Variants in CALD1 observed in about 807,000 individuals in gnomAD.
CALD1 encodes the protein caldesmon 1.
CALD1 carries 33 observed loss-of-function variants against 99.9 expected under a neutral mutation model. The ratio of observed to expected loss-of-function variants is 0.33; its 90% CI spans 0.25 to 0.44. The LOEUF (loss-of-function observed/expected upper bound fraction) is 0.44, where lower values mean the gene tolerates loss of function less well. Among genes scored for constraint, CALD1 ranks in the 20% least tolerant of loss-of-function variants. The probability of loss-of-function intolerance (pLI) is 1.00; values close to 1 mark genes in which losing one functional copy is unlikely to be tolerated. For missense variants in CALD1, 861 were observed against 962.1 expected (o/e 0.89, Z 1.39); for synonymous variants, 310 against 325.0 (o/e 0.95, Z 0.50).
chr7:134,818,834 G>A (rs1413972973), intron 1 of CALD1, among the ~76,000 whole-genome samples: 1 of 152,126 alleles, frequency 6.6e-6, no homozygotes, highest in Non-Finnish European at 1.5e-5. Flanking sequence ...TGGTGTCTAT[G>A]ACATACTGCA....
At chr7:134,882,744 TAGC>T (rs1390535466) in intron 3 of CALD1, among the ~76,000 whole-genome samples, 3 of 152,224 alleles carry the variant, frequency 2.0e-5, no homozygotes, top group African/African-American at 4.8e-5. Flanking sequence ...ATAGAATGTT[TAGC>T]ATACAATAGA....
Position 134,794,258 on chromosome 7 carries a change from G to A in CALD1, c.-130+14509G>A, listed in dbSNP as rs151155607. Among the ~76,000 whole-genome samples the A allele has an allele frequency of 7.0e-3, 1,063 of 152,240 alleles. 17 individuals carry two copies. Among genetic ancestry groups the A allele is most frequent in the African/African-American group, 0.023 (960 of 41,542 alleles). On this transcript the variant is annotated intron_variant, in intron 1 of 14. Transcript: ENST00000361675. ...AAGCAGCCATGCCTGTTACTGTTAC[G>A]GAGGCATGTTCTGTGTATGTGTCTA...
intron 1 of CALD1, among the ~76,000 whole-genome samples, chr7:134,790,770 G>A (rs1388937558): frequency 6.6e-6 from 1 of 152,188 alleles, no homozygotes; most frequent in Non-Finnish European, 1.5e-5. Context: ...TTAACAAGCA[G>A]TTTCCATCCT....
intron 1 of CALD1, among the ~76,000 whole-genome samples, chr7:134,843,632 A>G (rs2290363): frequency 0.52 from 78,400 of 152,072 alleles, 22,497 homozygotes; most frequent in African/African-American, 0.78. Flanking sequence ...ATTAGATACT[A>G]TCCCTGGGTT....
chr7:134,966,497 C>A (rs1188596162), intron 14 of CALD1, among the ~76,000 whole-genome samples: 1 of 152,180 alleles, frequency 6.6e-6, no homozygotes, highest in Non-Finnish European at 1.5e-5. Flanking sequence ...TCTTACCCTC[C>A]ATTATTTCAT....
chr7:134,929,113 C>T (rs1205852597), intron 4 of CALD1, among the ~76,000 whole-genome samples: 1 of 152,148 alleles, frequency 6.6e-6, no homozygotes. Flanking sequence ...TTCTCTCCAC[C>T]CCGTTCCCAT....
the CALD1 span, among the ~76,000 whole-genome samples, chr7:134,733,665 C>T: frequency 2.0e-5 from 3 of 151,678 alleles, no homozygotes; most frequent in Admixed American, 6.6e-5. Flanking sequence ...AAAAATTAGC[C>T]GGGCGTGGTG....
intron 3 of CALD1, 58 bp from the exon 4 acceptor site, chr7:134,928,696 G>A (rs933150083): frequency 1.2e-5 from 19 of 1,556,268 alleles, no homozygotes; most frequent in Middle Eastern, 1.7e-4. Flanking sequence ...CTGCCAAGAG[G>A]TTGGTGAAGA....
chr7:134,931,100 T>C (rs1036499398), intron 4 of CALD1, among the ~76,000 whole-genome samples: 23 of 152,206 alleles, frequency 1.5e-4, no homozygotes, highest in African/African-American at 3.9e-4. Flanking sequence ...ATTCTTTTTT[T>C]TTTTAGAAAA....
chr7:134,941,839 G>T (rs954060961), intron 7 of CALD1, among the ~76,000 whole-genome samples: 4 of 152,068 alleles, frequency 2.6e-5, no homozygotes, highest in African/African-American at 9.7e-5. Flanking sequence ...ATACAGTTTG[G>T]AAAAACTCTC....
chr7:134,947,451 C>G, intron 7 of CALD1, 57 bp from the exon 8 acceptor site: 1 of 1,512,526 alleles, frequency 6.6e-7, no homozygotes, highest in Non-Finnish European at 8.9e-7. Flanking sequence ...TCCCCTTCCT[C>G]CAGGGAGACT....
chr7:134,790,082 G>GGAGAGAGAGAGAGA (rs56962467), intron 1 of CALD1, among the ~76,000 whole-genome samples: 22 of 142,312 alleles, frequency 1.5e-4, no homozygotes, highest in African/African-American at 5.8e-4. Context: ...AAAGAAATAA[G>GGAGAGAGAGAGAGA]GAGAGAGAGA....
At chr7:134,929,625 T>TATATATACACACACATATACACACAC (rs1231576514) in intron 4 of CALD1, among the ~76,000 whole-genome samples, 3 of 4,140 alleles carry the variant, frequency 7.2e-4, no homozygotes, top group African/African-American at 1.5e-3. Context: ...TATATACGTG[T>TATATATACACACACATATACACACAC]GTGTGTGTGT....
At chr7:134,791,573 T>C (rs1009442299) in intron 1 of CALD1, among the ~76,000 whole-genome samples, 2 of 152,186 alleles carry the variant, frequency 1.3e-5, no homozygotes, top group East Asian at 1.9e-4. Context: ...AACTATTTCC[T>C]TAAAGACAGC....
At chr7:134,769,912 G>T (rs1417226925) in intron 1 of CALD1, among the ~76,000 whole-genome samples, 1 of 152,164 alleles carries the variant, frequency 6.6e-6, no homozygotes, top group African/African-American at 2.4e-5. Context: ...TACTGGGATT[G>T]CAGGTGGGAG....
At chr7:134,754,842 G>A (rs909902082) in intron 1 of CALD1, among the ~76,000 whole-genome samples, 1 of 152,048 alleles carries the variant, frequency 6.6e-6, no homozygotes, top group African/African-American at 2.4e-5. Flanking sequence ...GTGTGTGAAG[G>A]TTTCTTTAGA....
chr7:134,822,402 T>A (rs934192589), intron 1 of CALD1, among the ~76,000 whole-genome samples: 1 of 152,216 alleles, frequency 6.6e-6, no homozygotes, highest in Non-Finnish European at 1.5e-5. Flanking sequence ...ATTTCTAGAA[T>A]CATATCTTGT....
At chr7:134,740,916 T>A (rs1201158773), upstream of CALD1, among the ~76,000 whole-genome samples, 4 of 152,236 alleles carry the variant, frequency 2.6e-5, no homozygotes. Flanking sequence ...CTCTAAATGC[T>A]TTACACATGG....
chr7:134,799,237 C>G (rs917806850), intron 1 of CALD1, among the ~76,000 whole-genome samples: 4 of 152,090 alleles, frequency 2.6e-5, no homozygotes, highest in African/African-American at 7.2e-5. Flanking sequence ...TGAGAGGAAC[C>G]CTTACTAATG....
Sources: gnomAD v4.1 joint callset for allele counts (sites outside exome capture counted in the v4.1 genomes callset) on GRCh38, gnomAD v4.1.1 for gene constraint, MANE v1.5 for transcripts, NCBI Gene and HGNC (gene_info 2026-07-23, HGNC 2026-07-21) for gene names.